CEP162: variants seen among roughly 807,000 people sequenced by gnomAD.
CEP162 encodes centrosomal protein 162, also known as centrosomal protein of 162 kDa.
A neutral mutation model predicts 169.2 loss-of-function variants in CEP162; 141 were observed. That is an observed-to-expected ratio of 0.83 (90% CI 0.73 to 0.96). CEP162 has a LOEUF of 0.96. Among genes scored for constraint, CEP162 ranks in the 40% least tolerant of loss-of-function variants. CEP162 has a pLI of 0.00. For missense variants in CEP162, 1,600 were observed against 1,587.2 expected (o/e 1.01, Z -0.14); for synonymous variants, 540 against 526.4 (o/e 1.03, Z -0.35).
intron 18 of CEP162, among the ~76,000 whole-genome samples, chr6:84,165,615 C>G (rs1468430359): frequency 6.6e-6 from 1 of 152,042 alleles, no homozygotes; most frequent in Non-Finnish European, 1.5e-5. Context: ...TTTAGTACTA[C>G]TTGTTTACTT....
intron 6 of CEP162, among the ~76,000 whole-genome samples, chr6:84,205,207 C>T (rs963395761): frequency 6.6e-6 from 1 of 152,156 alleles, no homozygotes; most frequent in Non-Finnish European, 1.5e-5. Flanking sequence ...AGAGGGAATC[C>T]TCCCTAACTC....
intron 25 of CEP162, among the ~76,000 whole-genome samples, chr6:84,141,385 C>G (rs2099516563): frequency 6.6e-6 from 1 of 152,024 alleles, no homozygotes; most frequent in East Asian, 1.9e-4. Context: ...AAAAGTCAGA[C>G]TAGACTTAAG....
At chr6:84,189,209 A>G (rs1437100338) in intron 11 of CEP162, among the ~76,000 whole-genome samples, 3 of 147,872 alleles carry the variant, frequency 2.0e-5, no homozygotes, top group Non-Finnish European at 4.4e-5. Context: ...GCATGCTGGC[A>G]GTTCTCAGAG....
Position 84,174,716 on chromosome 6 carries a change from G to T in CEP162, c.2025+11C>A. 8.1e-6 allele frequency: 9 copies of T among 1,106,628 alleles called. No homozygotes were observed. Among genetic ancestry groups the T allele is most frequent in the Non-Finnish European group, 1.2e-5 (9 of 776,112 alleles). 68.6% of individuals were successfully genotyped at this position (1,106,628 alleles called of 1,614,324 possible). Reference sequence around the variant, plus strand: ...AAATATAAAAAAATACCAGAACAATGTATCTAGTACCTTGGCTTGAAGAAT... The same window carrying T: ...AAATATAAAAAAATACCAGAACAATTTATCTAGTACCTTGGCTTGAAGAAT... On this transcript the variant is annotated intron_variant, in intron 15 of 26. Coordinates refer to ENST00000403245, the MANE Select transcript of CEP162 (RefSeq NM_014895.4).
chr6:84,193,668 C>T lies in CEP162; in HGVS notation c.1050G>A (p.Leu350=), dbSNP rs1282898777. The T allele has an allele frequency of 2.6e-6, 4 of 1,567,614 alleles. No individual in the cohort carries two copies. In the Admixed American group the frequency reaches 7.5e-5, roughly 29 times the overall value. ...AGGAATCTATTCTGATAGGTTTCAT[C>T]AGCTCCTCTACTGTGGGCAGATCTA... is the stretch of plus-strand genomic sequence containing the variant. ...MESDLPTVEE[L]MKPIRIDSFG... Residue 350 remains leucine, a synonymous_variant, in exon 11 of 27, where the codon CTG becomes CTA. Coordinates refer to ENST00000403245, the MANE Select transcript of CEP162 (RefSeq NM_014895.4).
At chr6:84,206,350 T>C (rs964215946) in intron 6 of CEP162, among the ~76,000 whole-genome samples, 3 of 151,922 alleles carry the variant, frequency 2.0e-5, no homozygotes. Context: ...CAGAACAGCA[T>C]GGTACTGGTA....
chr6:84,199,284 C>T (rs527563535), intron 9 of CEP162, among the ~76,000 whole-genome samples: 4 of 152,100 alleles, frequency 2.6e-5, no homozygotes, highest in African/African-American at 9.6e-5. Flanking sequence ...AGTAATGTGT[C>T]TCGATGGGAA....
At chr6:84,204,155 G>A in intron 6 of CEP162, 59 bp from the exon 7 acceptor site, 2 of 990,084 alleles carry the variant, frequency 2.0e-6, no homozygotes, top group Non-Finnish European at 3.1e-6. Flanking sequence ...TCAAATTCCA[G>A]GAAAAGGCTG....
In CEP162 at chr6:84,125,041, A is replaced by G; in HGVS notation, c.*29T>C. 2.6e-6 allele frequency: 4 copies of G among 1,552,430 alleles called. No individual in the cohort carries two copies. The highest frequency in any genetic ancestry group is 3.5e-6 in the Non-Finnish European group (4 of 1,128,848). On this transcript the variant is annotated 3_prime_UTR_variant, in exon 27 of 27. Transcript: ENST00000403245. The stretch of plus-strand genomic sequence containing the variant: ...ATCCCATCCATCTTCAGGCCTTTTA[A>G]TAAGGTCATTATGAAATCTGAATTT...
At chr6:84,198,771 T>C (rs1588857738) in intron 9 of CEP162, among the ~76,000 whole-genome samples, 1 of 152,178 alleles carries the variant, frequency 6.6e-6, no homozygotes, top group African/African-American at 2.4e-5. Context: ...CTATGTACTA[T>C]ATATTATCTC....
At chr6:84,171,022 C>T (rs909401302) in intron 17 of CEP162, among the ~76,000 whole-genome samples, 2 of 152,204 alleles carry the variant, frequency 1.3e-5, no homozygotes, top group African/African-American at 4.8e-5. Context: ...CAGGGACCAA[C>T]TCTGGTACAA....
chr6:84,227,104 C>A (rs1249325878), intron 1 of CEP162, among the ~76,000 whole-genome samples: 1 of 152,116 alleles, frequency 6.6e-6, no homozygotes, highest in African/African-American at 2.4e-5. Flanking sequence ...TGAACACAAG[C>A]AGAATCCAGT....
chr6:84,124,951 G>T lies in CEP162; in HGVS notation c.*119C>A. The T allele has an allele frequency of 1.3e-6, 1 of 757,292 alleles. No individual in the cohort carries two copies. Among genetic ancestry groups the T allele is most frequent in the Non-Finnish European group, 2.2e-6 (1 of 462,112 alleles). 46.9% of individuals were successfully genotyped at this position (757,292 alleles called of 1,614,324 possible). A position where few individuals can be genotyped will look rare whatever the true frequency, so the allele number is the denominator to read the frequency against. On this transcript the variant is annotated 3_prime_UTR_variant, in exon 27 of 27. Coordinates refer to ENST00000403245, the MANE Select transcript of CEP162 (RefSeq NM_014895.4). ...CAATTTATTTTGAAATGTTGCTTTG[G>T]TTGTTTGCTTTCTGGAAACATATTG...
intron 25 of CEP162, among the ~76,000 whole-genome samples, chr6:84,126,801 A>ATTAAG (rs1245442573): frequency 1.3e-5 from 2 of 152,130 alleles, no homozygotes; most frequent in Non-Finnish European, 2.9e-5. Flanking sequence ...TCTTTAATGC[A>ATTAAG]TTAAGTTTCA....
At chr6:84,127,343 G>C (rs2099509349) in intron 25 of CEP162, among the ~76,000 whole-genome samples, 1 of 151,894 alleles carries the variant, frequency 6.6e-6, no homozygotes, top group South Asian at 2.1e-4. Context: ...AAAAATCCCA[G>C]TATCTTACCT....
At chr6:84,177,360 T>C (rs2099532829) in intron 13 of CEP162, among the ~76,000 whole-genome samples, 1 of 152,170 alleles carries the variant, frequency 6.6e-6, no homozygotes, top group Admixed American at 6.5e-5. Context: ...TTTGGTTTTC[T>C]TTCATTTGCA....
chr6:84,161,061 C>T lies in CEP162; in HGVS notation c.2677-145G>A, dbSNP rs567703782. The T allele has an allele frequency of 1.5e-3, 971 of 628,008 alleles. 1 individual carries two copies. In the Middle Eastern group the frequency reaches 0.016, roughly 10 times the overall value. 38.9% of individuals were successfully genotyped at this position (628,008 alleles called of 1,614,324 possible). On this transcript the variant is annotated intron_variant, in intron 20 of 26. Coordinates refer to ENST00000403245, the MANE Select transcript of CEP162 (RefSeq NM_014895.4). ...ATTAATTCCTCAAATTCTTTGAGCT[C>T]CTCCCAAGTTCCAGGCACTTCCTAG...
chr6:84,154,181 GT>G (rs1246426072), intron 22 of CEP162, among the ~76,000 whole-genome samples: 2 of 152,248 alleles, frequency 1.3e-5, no homozygotes, highest in East Asian at 3.9e-4. Flanking sequence ...AAGTTAGGGT[GT>G]TTAGATTTAG....
intron 3 of CEP162, among the ~76,000 whole-genome samples, chr6:84,216,995 A>C (rs1336566781): frequency 6.6e-6 from 1 of 152,206 alleles, no homozygotes; most frequent in Non-Finnish European, 1.5e-5. Context: ...AGTATTACTT[A>C]TTTTATTCAA....
Sources: gnomAD v4.1 joint callset for allele counts (sites outside exome capture counted in the v4.1 genomes callset) on GRCh38, gnomAD v4.1.1 for gene constraint, MANE v1.5 for transcripts, NCBI Gene and HGNC (gene_info 2026-07-23, HGNC 2026-07-21) for gene names.